Variants in TP53I11 observed in about 807,000 individuals in gnomAD.
TP53I11 encodes the protein tumor protein p53-inducible protein 11.
A neutral mutation model predicts 23.3 loss-of-function variants in TP53I11; 9 were observed. That is an observed-to-expected ratio of 0.39 (90% CI 0.23 to 0.67). The LOEUF (loss-of-function observed/expected upper bound fraction) is 0.67, where lower values mean the gene tolerates loss of function less well. Among genes scored for constraint, TP53I11 ranks in the 30% least tolerant of loss-of-function variants. TP53I11 has a pLI of 0.48. For synonymous variants in TP53I11, 100 were observed against 106.1 expected (o/e 0.94, Z 0.35); for missense variants, 170 against 255.2 (o/e 0.67, Z 2.27).
Position 44,934,674 on chromosome 11 carries a change from T to TC in TP53I11, c.*209dup. On this transcript the variant is annotated 3_prime_UTR_variant, in exon 7 of 7. Transcript: ENST00000525680. Reference sequence around the variant, plus strand: ...AACAGGGCAGCAGAGGCCCTGTCTCTCCCCAGACCAGCATGTCAAGCCTGA... The same window carrying TC: ...AACAGGGCAGCAGAGGCCCTGTCTCTCCCCCAGACCAGCATGTCAAGCCTGA... 1 of 634,884 alleles carries TC rather than the reference T, an allele frequency of 1.6e-6. No individual in the cohort carries two copies. Among genetic ancestry groups the TC allele is most frequent in the South Asian group, 2.0e-5 (1 of 49,996 alleles). 39.3% of individuals were successfully genotyped at this position (634,884 alleles called of 1,614,324 possible). A position where few individuals can be genotyped will look rare whatever the true frequency, so the allele number is the denominator to read the frequency against.
intron 1 of TP53I11, among the ~76,000 whole-genome samples, chr11:44,949,545 T>G (rs1408771166): frequency 6.6e-6 from 1 of 150,870 alleles, no homozygotes; most frequent in African/African-American, 2.4e-5. Flanking sequence ...AGAAACCCAC[T>G]CCCCCCGGGC....
intron 1 of TP53I11, among the ~76,000 whole-genome samples, chr11:44,938,852 C>T (rs913929358): frequency 1.3e-4 from 20 of 152,176 alleles, no homozygotes; most frequent in African/African-American, 4.8e-4. Flanking sequence ...GAGCCCCTCT[C>T]CCGTCTCCCT....
chr11:44,946,636 T>G (rs11038222), intron 1 of TP53I11, among the ~76,000 whole-genome samples: 1 of 152,064 alleles, frequency 6.6e-6, no homozygotes, highest in Non-Finnish European at 1.5e-5. Flanking sequence ...TGCCCTGAGA[T>G]CTGGTAGTGG....
intron 4 of TP53I11, 43 bp downstream of exon 4, chr11:44,937,261 G>C (rs771540786): frequency 5.6e-5 from 86 of 1,536,392 alleles, no homozygotes; most frequent in Non-Finnish European, 7.1e-5. Context: ...GGCTGAGGGA[G>C]CCACACGGGG....
chr11:44,941,350 G>A (rs903394792), intron 1 of TP53I11, among the ~76,000 whole-genome samples: 1 of 152,140 alleles, frequency 6.6e-6, no homozygotes, highest in Admixed American at 6.5e-5. Context: ...CCTACAGCTG[G>A]TCTCAGGAGA....
intron 3 of TP53I11, 41 bp downstream of exon 3, chr11:44,937,514 G>A (rs773202392): frequency 1.9e-5 from 30 of 1,608,000 alleles, no homozygotes; most frequent in Admixed American, 5.0e-5. Flanking sequence ...CCCCACCGCC[G>A]CAGGCCTTCC....
chr11:44,936,971 A>G lies in TP53I11; in HGVS notation c.238-72T>C, dbSNP rs1861205162. On this transcript the variant is annotated intron_variant, in intron 4 of 6. Transcript: ENST00000525680. The surrounding 1 kb of genome is among the most constrained non-coding windows in gnomAD (Gnocchi z 4.4). ...GGGGGTGACAGCTGATGCTTCCCACAGACGTCTTCCTTCCCCGCCAGGAGC... is the reference window on the plus strand; with the variant it reads ...GGGGGTGACAGCTGATGCTTCCCACGGACGTCTTCCTTCCCCGCCAGGAGC... 2 of 1,107,142 alleles carry G rather than the reference A, an allele frequency of 1.8e-6. No individual in the cohort carries two copies. The highest frequency in any genetic ancestry group is 2.6e-6 in the Non-Finnish European group (2 of 770,104). The allele number at this position is 1,107,142 out of a possible 1,614,324, so 68.6% of individuals were successfully genotyped here.
chr11:44,935,937 C>G (rs1404544882), intron 5 of TP53I11: 8 of 536,370 alleles, frequency 1.5e-5, no homozygotes, highest in Admixed American at 1.3e-4. Context: ...GACTCGATCT[C>G]TTTATAAAGG....
chr11:44,943,346 G>C (rs1188615721), intron 1 of TP53I11, among the ~76,000 whole-genome samples: 1 of 152,100 alleles, frequency 6.6e-6, no homozygotes, highest in East Asian at 1.9e-4. Flanking sequence ...GGCCCCCGGG[G>C]GTTTCCCCCA....
At chr11:44,937,050 G>A (rs1434084978) in intron 4 of TP53I11, 151 bp from the exon 5 acceptor site, 11 of 725,968 alleles carry the variant, frequency 1.5e-5, no homozygotes, top group South Asian at 7.2e-5. Flanking sequence ...GTCCCCACCC[G>A]CCCCCATGCC....
At chr11:44,946,580 T>C (rs1228547202) in intron 1 of TP53I11, among the ~76,000 whole-genome samples, 2 of 152,110 alleles carry the variant, frequency 1.3e-5, no homozygotes, top group East Asian at 3.9e-4. Context: ...AGCTCTGCAG[T>C]TGAGAAAGGT....
At chr11:44,937,466 G>T in intron 3 of TP53I11, 89 bp downstream of exon 3, 4 of 1,544,142 alleles carry the variant, frequency 2.6e-6, no homozygotes, top group Non-Finnish European at 3.5e-6. Context: ...ATAAAATCCA[G>T]GGACCAGGCC....
At position 44,934,974 on chromosome 11, in the gene TP53I11, C is replaced by T; in HGVS notation, c.480G>A (p.Gly160=). The part of the protein sequence containing the change: ...TLAETGLMSL[G]ILLLLVSRLL... ...GGCGGCTGACCAGGAGCAGCAGGAT[C>T]CCCAGGGACATGAGGCCCGTCTCAG... The change falls in exon 7 of 7, where the codon GGG becomes GGA. Residue 160 remains glycine (G), a synonymous_variant. Transcript: ENST00000525680. 6.2e-7 allele frequency: 1 copy of T among 1,614,056 alleles called. No homozygotes were observed. Among genetic ancestry groups the T allele is most frequent in the East Asian group, 2.2e-5 (1 of 44,882 alleles).
intron 1 of TP53I11, chr11:44,947,385 C>G (rs1370967385): frequency 3.2e-6 from 1 of 310,688 alleles, no homozygotes. Flanking sequence ...CAGCAGGCAC[C>G]TCCCTCTCCG....
Position 44,938,183 on chromosome 11 carries a change from G to A in TP53I11, c.129+24C>T, listed in dbSNP as rs755696448. The A allele has an allele frequency of 8.7e-6, 14 of 1,604,134 alleles. No individual in the cohort carries two copies. The Middle Eastern group carries it at 5.0e-4, about 57-fold the overall frequency. On this transcript the variant is annotated intron_variant, in intron 2 of 6. Coordinates refer to ENST00000525680, the MANE Select transcript of TP53I11 (RefSeq NM_006034.5). The stretch of plus-strand genomic sequence containing the variant: ...CAGCCTGGCCTCCCCAGTGGGTGCC[G>A]GAGGCCCCTGCTCTGCACCCCACCT...
In TP53I11 at chr11:44,937,268, G is replaced by A. The variant is rs368030804; in HGVS notation, c.237+36C>T. ...CAGAGAAGGGCTGAGGGAGCCACAC[G>A]GGGCCAGATCTCAGGGGCTGGGGGT... On this transcript the variant is annotated intron_variant, in intron 4 of 6. Transcript: ENST00000525680. 3.4e-4 allele frequency: 524 copies of A among 1,537,426 alleles called. 1 individual carries two copies. Among genetic ancestry groups the A allele is most frequent in the Middle Eastern group, 3.5e-4 (2 of 5,634 alleles).
rs537929381 is a variant in TP53I11, at chr11:44,936,147, AG to A, written c.335-486del. 1.8e-4 allele frequency: 161 copies of A among 899,890 alleles called. No individual in the cohort carries two copies. Among genetic ancestry groups the A allele is most frequent in the Admixed American group, 5.0e-4 (9 of 17,844 alleles). 55.7% of individuals were successfully genotyped at this position (899,890 alleles called of 1,614,324 possible). A position where few individuals can be genotyped will look rare whatever the true frequency, so the allele number is the denominator to read the frequency against. On this transcript the variant is annotated intron_variant, in intron 5 of 6. Transcript: ENST00000525680. This position sits in a 1 kb window ranked among gnomAD's most constrained non-coding sequence, Gnocchi z 4.4. ...GGGAGGGGGATGAACCATACTTTTT[AG>A]CAGAAGACCACTGACTTGGCCTCTA...
At chr11:44,949,548 C>T (rs538516990) in intron 1 of TP53I11, among the ~76,000 whole-genome samples, 1 of 152,336 alleles carries the variant, frequency 6.6e-6, no homozygotes, top group East Asian at 1.9e-4. Context: ...AACCCACTCC[C>T]CCCGGGCTCC....
chr11:44,936,279 T>C lies in TP53I11; in HGVS notation c.334+524A>G. ...CCAGAGGAGCTCAGCCTTTATTCTG[T>C]AGGCAATAGGGAGCCATAGAATATT... is the stretch of plus-strand genomic sequence containing the variant. On this transcript the variant is annotated intron_variant, in intron 5 of 6. Transcript: ENST00000525680. The surrounding 1 kb of genome is among the most constrained non-coding windows in gnomAD (Gnocchi z 4.4). The C allele has an allele frequency of 8.1e-6, 9 of 1,112,886 alleles. No homozygotes were observed. The highest frequency in any genetic ancestry group is 9.9e-6 in the Non-Finnish European group (9 of 913,674). 68.9% of individuals were successfully genotyped at this position (1,112,886 alleles called of 1,614,324 possible). A position where few individuals can be genotyped will look rare whatever the true frequency, so the allele number is the denominator to read the frequency against.
Sources: allele counts gnomAD v4.1 joint callset (sites outside exome capture counted in the v4.1 genomes callset), GRCh38; gene constraint gnomAD v4.1.1; non-coding constraint Gnocchi (gnomAD v3.1); transcripts MANE v1.5; gene names NCBI Gene and HGNC (gene_info 2026-07-23, HGNC 2026-07-21).